Variants in ELMO2 observed in about 807,000 individuals in gnomAD.
ELMO2 encodes engulfment and cell motility protein 2.
In ELMO2, 37 loss-of-function variants were observed where a neutral mutation model predicts 96.2. The ratio of observed to expected loss-of-function variants is 0.38; its 90% CI spans 0.30 to 0.51. The LOEUF (loss-of-function observed/expected upper bound fraction) is 0.51, where lower values mean the gene tolerates loss of function less well. ELMO2 is among the 20% of genes least tolerant of loss of function. The probability of loss-of-function intolerance (pLI) is 0.88; values close to 1 mark genes in which losing one functional copy is unlikely to be tolerated. For synonymous variants in ELMO2, 315 were observed against 329.4 expected, an observed-to-expected ratio of 0.96 and a Z score of 0.47; for missense variants, 561 against 912.6, an observed-to-expected ratio of 0.61 and a Z score of 4.96.
In ELMO2 at chr20:46,374,383, C is replaced by T. The variant is rs2145776040; in HGVS notation, c.1228G>A (p.Ala410Thr). 6.2e-7 allele frequency: 1 copy of T among 1,614,142 alleles called. No homozygotes were observed. The highest frequency in any genetic ancestry group is 2.2e-5 in the East Asian group (1 of 44,880). ...CAGAGCATTTTGGTGAGCTCAATGGCACTGCGGCCAAAGGGGCATTCATGT... is the reference window on the plus strand; with the variant it reads ...CAGAGCATTTTGGTGAGCTCAATGGTACTGCGGCCAAAGGGGCATTCATGT... ...DKHECPFGRS[A>T]IELTKMLCEI... Residue 410 changes from alanine to threonine, a missense_variant, in exon 15 of 22, where the codon GCC becomes ACC. Transcript: ENST00000290246.
chr20:46,388,593 G>A (rs758629739), intron 7 of ELMO2, among the ~76,000 whole-genome samples: 19 of 92,256 alleles, frequency 2.1e-4, no homozygotes, highest in East Asian at 3.7e-4. Context: ...AAAGGAAGGC[G>A]TGTGTGTGTG....
At chr20:46,376,610 A>T (rs1050548885) in intron 11 of ELMO2, 1 of 1,288,516 alleles carries the variant, frequency 7.8e-7, no homozygotes, top group Admixed American at 2.3e-5. Context: ...ACCCTTGATT[A>T]CATTCCTGTC....
At chr20:46,388,985 G>T (rs2060099229) in intron 7 of ELMO2, 54 bp downstream of exon 7, 1 of 1,563,628 alleles carries the variant, frequency 6.4e-7, no homozygotes, top group African/African-American at 1.3e-5. Flanking sequence ...AGGATGCCCT[G>T]TGGGATGTAG....
Position 46,394,519 on chromosome 20 carries a change from A to T in ELMO2, c.-37T>A. On this transcript the variant is annotated 5_prime_UTR_variant, in exon 3 of 22. Coordinates refer to ENST00000290246, the MANE Select transcript of ELMO2 (RefSeq NM_133171.5). ...GGCTCTAATTCTGCGAGACAAAAAC[A>T]CAGACACGGCTGCCTGGGGAGAAAG... 6.2e-7 allele frequency: 1 copy of T among 1,603,778 alleles called. No homozygotes were observed. The highest frequency in any genetic ancestry group is 8.5e-7 in the Non-Finnish European group (1 of 1,170,524).
In ELMO2 at chr20:46,393,159, TAAAC is replaced by T. The variant is rs1236586867; in HGVS notation, c.193-20_193-17del. 1.9e-6 allele frequency: 3 copies of T among 1,612,564 alleles called. No homozygotes were observed. The highest frequency in any genetic ancestry group is 2.5e-6 in the Non-Finnish European group (3 of 1,179,150). ...CACTGCGAGTCTGGGTAGTGAAAAA[TAAAC>T]AAAAAAAGTAACTAAGATAAAATGT... On this transcript the variant is annotated splice_polypyrimidine_tract_variant and intron_variant, in intron 5 of 21. Transcript: ENST00000290246.
chr20:46,393,134 C>G lies in ELMO2; in HGVS notation c.202G>C (p.Asp68His). 6.2e-7 allele frequency: 1 copy of G among 1,614,014 alleles called. No homozygotes were observed. The highest frequency in any genetic ancestry group is 8.5e-7 in the Non-Finnish European group (1 of 1,179,942). Residue 68 changes from aspartate to histidine, a missense_variant, in exon 6 of 22, where the codon GAC becomes CAC. Asp to His is a moderately conservative substitution (Grantham distance 81). Coordinates refer to ENST00000290246, the MANE Select transcript of ELMO2 (RefSeq NM_133171.5). The stretch of plus-strand genomic sequence containing the variant: ...TGTAAGATTGTCCCATTCTTAATGT[C>G]ACTGCGAGTCTGGGTAGTGAAAAAT... Reference protein sequence around the residue: ...QLYITEQTRSDIKNGTILQLA... With the variant: ...QLYITEQTRSHIKNGTILQLA...
chr20:46,394,614 A>G lies in ELMO2; in HGVS notation c.-50-82T>C, dbSNP rs932356171. The stretch of plus-strand genomic sequence containing the variant: ...GTTACATGTTTTGAAGAGTTTGAAG[A>G]CAGACACTGCATAAAGTAACACATG... On this transcript the variant is annotated intron_variant, in intron 2 of 21. Transcript: ENST00000290246. 2.9e-5 allele frequency: 29 copies of G among 1,013,878 alleles called. No homozygotes were observed. The African/African-American group carries it at 4.3e-4, about 15-fold the overall frequency. 62.8% of individuals were successfully genotyped at this position (1,013,878 alleles called of 1,614,324 possible).
chr20:46,405,654 G>A (rs570900279), intron 1 of ELMO2, among the ~76,000 whole-genome samples: 18 of 152,302 alleles, frequency 1.2e-4, no homozygotes, highest in African/African-American at 4.3e-4. Flanking sequence ...CTGGGAGGCC[G>A]AGACGGGCGG....
intron 6 of ELMO2, among the ~76,000 whole-genome samples, chr20:46,391,649 C>T (rs1248010189): frequency 1.3e-5 from 2 of 152,210 alleles, no homozygotes; most frequent in Admixed American, 1.3e-4. Flanking sequence ...AGTCCTTCCT[C>T]TCCTGGTCCA....
chr20:46,385,397 GAAAA>G (rs1185560510), intron 9 of ELMO2, among the ~76,000 whole-genome samples: 9 of 152,148 alleles, frequency 5.9e-5, no homozygotes, highest in Admixed American at 3.3e-4. Context: ...ACAAACAAAG[GAAAA>G]AAGCCCCTGA....
At chr20:46,396,306 A>G (rs2060243875) in intron 2 of ELMO2, among the ~76,000 whole-genome samples, 1 of 152,234 alleles carries the variant, frequency 6.6e-6, no homozygotes, top group Non-Finnish European at 1.5e-5. Flanking sequence ...TTATCGGCAA[A>G]GCTGCTGCAA....
chr20:46,378,349 T>C (rs1050829821), intron 11 of ELMO2, among the ~76,000 whole-genome samples: 1 of 152,190 alleles, frequency 6.6e-6, no homozygotes, highest in East Asian at 1.9e-4. Context: ...TGAACTGCCT[T>C]CTATAGTGAA....
At chr20:46,384,392 C>G (rs1422151664) in intron 9 of ELMO2, among the ~76,000 whole-genome samples, 1 of 152,000 alleles carries the variant, frequency 6.6e-6, no homozygotes, top group Non-Finnish European at 1.5e-5. Flanking sequence ...CACATGGTAC[C>G]CAGGGAGTCT....
At chr20:46,374,745 C>T in intron 13 of ELMO2, 105 bp from the exon 14 acceptor site, 1 of 911,730 alleles carries the variant, frequency 1.1e-6, no homozygotes, top group South Asian at 1.6e-5. Context: ...TACCACTCAG[C>T]ACCCACCTCT....
chr20:46,387,597 G>T, intron 7 of ELMO2, 160 bp from the exon 8 acceptor site: 2 of 246,472 alleles, frequency 8.1e-6, no homozygotes, highest in Non-Finnish European at 1.6e-5. Flanking sequence ...CACCTAGCCA[G>T]TGTAGAGCAG....
chr20:46,386,065 T>C lies in ELMO2; in HGVS notation c.677+59A>G, dbSNP rs1286922070. ...GAGAGTAGGATTGGAAGACTTAAAA[T>C]AAGAGGAGAAAAGAGGACAGACAAG... On this transcript the variant is annotated intron_variant, in intron 9 of 21. Coordinates refer to ENST00000290246, the MANE Select transcript of ELMO2 (RefSeq NM_133171.5). 4 of 1,563,090 alleles carry C rather than the reference T, an allele frequency of 2.6e-6. No individual in the cohort carries two copies. The Admixed American group carries it at 7.4e-5, about 29-fold the overall frequency.
intron 1 of ELMO2, among the ~76,000 whole-genome samples, chr20:46,399,829 G>A (rs144482636): frequency 6.6e-5 from 10 of 152,244 alleles, no homozygotes; most frequent in Non-Finnish European, 8.8e-5. Context: ...TTCCCTCTGC[G>A]TCCCAATACC....
intron 2 of ELMO2, among the ~76,000 whole-genome samples, chr20:46,398,315 T>G (rs1367718783): frequency 6.6e-6 from 1 of 152,160 alleles, no homozygotes; most frequent in Non-Finnish European, 1.5e-5. Context: ...TTTTATTTTT[T>G]TAAATTTTTT....
chr20:46,379,045 C>T (rs1158917019), intron 11 of ELMO2, among the ~76,000 whole-genome samples: 3 of 152,018 alleles, frequency 2.0e-5, no homozygotes, highest in East Asian at 1.9e-4. Flanking sequence ...CAGGCTAGAG[C>T]GCAATGGCCT....
Sources: gnomAD v4.1 joint callset for allele counts (sites outside exome capture counted in the v4.1 genomes callset) on GRCh38, gnomAD v4.1.1 for gene constraint, MANE v1.5 for transcripts, NCBI Gene and HGNC (gene_info 2026-07-23, HGNC 2026-07-21) for gene names.